CASR: variants seen among roughly 807,000 people sequenced by gnomAD.
The protein encoded by CASR is calcium sensing receptor, also known as extracellular calcium-sensing receptor.
In CASR, 23 loss-of-function variants were observed where a neutral mutation model predicts 69.1. The ratio of observed to expected loss-of-function variants is 0.33; its 90% CI spans 0.24 to 0.47. CASR has a LOEUF of 0.47. Ranked by LOEUF, CASR falls within the 20% of genes least tolerant of loss-of-function variation. CASR has a pLI of 1.00. For missense variants in CASR, 924 were observed against 1,356.1 expected, an observed-to-expected ratio of 0.68 and a Z score of 5.00; for synonymous variants, 541 against 544.7, an observed-to-expected ratio of 0.99 and a Z score of 0.10.
At chr3:122,237,183 C>G (rs1214830805) in intron 1 of CASR, among the ~76,000 whole-genome samples, 3 of 148,476 alleles carry the variant, frequency 2.0e-5, no homozygotes, top group Admixed American at 6.8e-5. Flanking sequence ...GATCTTGGCT[C>G]ACTGCAACCT....
At chr3:122,215,024 A>G (rs562522089) in intron 1 of CASR, among the ~76,000 whole-genome samples, 84 of 152,334 alleles carry the variant, frequency 5.5e-4, no homozygotes, top group African/African-American at 1.9e-3. Context: ...AGAAGAAGGA[A>G]GGAGGTAGGT....
At chr3:122,188,448 T>C (rs761016852) in intron 1 of CASR, among the ~76,000 whole-genome samples, 11 of 152,154 alleles carry the variant, frequency 7.2e-5, no homozygotes, top group Non-Finnish European at 1.5e-4. Context: ...CAACCAGGAC[T>C]GGGGATCAGG....
intron 1 of CASR, among the ~76,000 whole-genome samples, chr3:122,186,346 A>G (rs2073783110): frequency 6.6e-6 from 1 of 152,214 alleles, no homozygotes; most frequent in Admixed American, 6.5e-5. Flanking sequence ...GGGTGAGAAA[A>G]TAATGACTGA....
chr3:122,195,602 G>A (rs1293906028), intron 1 of CASR, among the ~76,000 whole-genome samples: 1 of 152,150 alleles, frequency 6.6e-6, no homozygotes, highest in Non-Finnish European at 1.5e-5. Context: ...AATGCGTTAG[G>A]CATTATGCTA....
intron 1 of CASR, among the ~76,000 whole-genome samples, chr3:122,217,528 C>T (rs896338610): frequency 1.3e-5 from 2 of 152,058 alleles, no homozygotes; most frequent in Middle Eastern, 3.2e-3. Context: ...ATCCAATGAA[C>T]GAGTAGGAAT....
At chr3:122,202,246 G>A (rs1277190778) in intron 1 of CASR, among the ~76,000 whole-genome samples, 1 of 152,230 alleles carries the variant, frequency 6.6e-6, no homozygotes, top group African/African-American at 2.4e-5. Flanking sequence ...GCGAAACCCC[G>A]TCTCCACCAA....
chr3:122,199,019 G>A (rs1163579901), intron 1 of CASR, among the ~76,000 whole-genome samples: 1 of 152,036 alleles, frequency 6.6e-6, no homozygotes, highest in Non-Finnish European at 1.5e-5. Context: ...TCTTTTTATA[G>A]ATTTATGATA....
intron 1 of CASR, among the ~76,000 whole-genome samples, chr3:122,238,657 A>G (rs1053142334): frequency 6.6e-6 from 1 of 152,174 alleles, no homozygotes; most frequent in Admixed American, 6.5e-5. Flanking sequence ...CACAGCAACT[A>G]AAGTGACTCC....
At chr3:122,269,262 C>G (rs1307325051) in intron 4 of CASR, among the ~76,000 whole-genome samples, 2 of 152,192 alleles carry the variant, frequency 1.3e-5, no homozygotes, top group East Asian at 3.8e-4. Context: ...CCAGTATAAT[C>G]TTGTATAGAT....
At chr3:122,221,930 C>T (rs2074175846) in intron 1 of CASR, among the ~76,000 whole-genome samples, 1 of 152,170 alleles carries the variant, frequency 6.6e-6, no homozygotes. Context: ...CATCCTCTCC[C>T]ATTTCTTTTT....
At chr3:122,234,011 T>C (rs891713801) in intron 1 of CASR, among the ~76,000 whole-genome samples, 5 of 152,160 alleles carry the variant, frequency 3.3e-5, no homozygotes, top group African/African-American at 1.2e-4. Flanking sequence ...CAAAACAAAC[T>C]AGAGGACCCT....
At chr3:122,252,315 GAAGAGAGAAAGA>G (rs1425493391) in intron 1 of CASR, among the ~76,000 whole-genome samples, 48 of 141,086 alleles carry the variant, frequency 3.4e-4, no homozygotes, top group African/African-American at 1.2e-3. Context: ...AGAGAAAAAG[GAAGAGAGAAAGA>G]AAGAGAGAGA....
Position 122,283,739 on chromosome 3 carries a change from C to T in CASR, c.1785C>T (p.His595=). 1.9e-6 allele frequency: 3 copies of T among 1,614,168 alleles called. No homozygotes were observed. Among genetic ancestry groups the T allele is most frequent in the Non-Finnish European group, 2.5e-6 (3 of 1,179,984 alleles). The change falls in exon 7 of 7, where the codon CAC becomes CAT. Residue 595 remains histidine (H), a synonymous_variant. Coordinates refer to ENST00000639785, the MANE Select transcript of CASR (RefSeq NM_000388.4). ...ATGACTTCTGGTCCAATGAGAACCA[C>T]ACCTCCTGCATTGCCAAGGAGATCG... ...CPDDFWSNEN[H]TSCIAKEIEF...
chr3:122,210,411 T>A (rs1453931043), intron 1 of CASR, among the ~76,000 whole-genome samples: 1 of 152,106 alleles, frequency 6.6e-6, no homozygotes, highest in East Asian at 1.9e-4. Context: ...AAAATCAATA[T>A]GTAAAAATCA....
At chr3:122,269,678 G>A (rs1318269049) in intron 4 of CASR, among the ~76,000 whole-genome samples, 1 of 152,122 alleles carries the variant, frequency 6.6e-6, no homozygotes, top group African/African-American at 2.4e-5. Flanking sequence ...TAATGTCTTT[G>A]TCTGGTTTTG....
intron 1 of CASR, among the ~76,000 whole-genome samples, chr3:122,200,975 T>A (rs994255458): frequency 5.3e-5 from 8 of 151,082 alleles, no homozygotes; most frequent in African/African-American, 1.9e-4. Flanking sequence ...CTTGTGAATA[T>A]CTTTTGCCCA....
Position 122,197,280 on chromosome 3 carries a change from T to C in CASR, c.-243+13468T>C, listed in dbSNP as rs534323069. On this transcript the variant is annotated intron_variant, in intron 1 of 6. Transcript: ENST00000639785. ...GCTGTGTGTCCTTGTGTGGCTCCAG[T>C]GGGAAATTCATAACTTGTTTGAGCA... Among the ~76,000 whole-genome samples the C allele has an allele frequency of 1.4e-4, 22 of 152,296 alleles. No homozygotes were observed. In the South Asian group the frequency reaches 4.6e-3, roughly 32 times the overall value.
intron 1 of CASR, among the ~76,000 whole-genome samples, chr3:122,251,013 G>A (rs1388975617): frequency 6.6e-6 from 1 of 152,174 alleles, no homozygotes; most frequent in African/African-American, 2.4e-5. Flanking sequence ...TCCAAGGAAT[G>A]AGGCCAAAAA....
At chr3:122,184,870 C>A (rs988327267) in intron 1 of CASR, among the ~76,000 whole-genome samples, 1 of 152,172 alleles carries the variant, frequency 6.6e-6, no homozygotes, top group Non-Finnish European at 1.5e-5. Flanking sequence ...ACTCGCTTGC[C>A]ACGTGTTAAC....
Sources: gnomAD v4.1 joint callset for allele counts (sites outside exome capture counted in the v4.1 genomes callset) on GRCh38, gnomAD v4.1.1 for gene constraint, MANE v1.5 for transcripts, NCBI Gene and HGNC (gene_info 2026-07-23, HGNC 2026-07-21) for gene names.